CCDC60: variants seen among roughly 807,000 people sequenced by gnomAD.
CCDC60 encodes coiled-coil domain containing 60.
A neutral mutation model predicts 63.5 loss-of-function variants in CCDC60; 54 were observed. The observed-to-expected ratio is 0.85, with a 90% CI of 0.68 to 1.07. The LOEUF is 1.07. Among genes scored for constraint, CCDC60 ranks in the 50% least tolerant of loss-of-function variants. The pLI is 0.00. For missense variants in CCDC60, 651 were observed against 684.3 expected, an observed-to-expected ratio of 0.95 and a Z score of 0.54; for synonymous variants, 206 against 238.8, an observed-to-expected ratio of 0.86 and a Z score of 1.27.
At chr12:119,463,224 C>T (rs1182229613) in intron 2 of CCDC60, among the ~76,000 whole-genome samples, 1 of 152,190 alleles carries the variant, frequency 6.6e-6, no homozygotes, top group Non-Finnish European at 1.5e-5. Context: ...ATCTGGACAA[C>T]AGCAAATCCC....
At chr12:119,494,031 A>G (rs1951660232) in intron 5 of CCDC60, among the ~76,000 whole-genome samples, 2 of 152,224 alleles carry the variant, frequency 1.3e-5, no homozygotes. Flanking sequence ...AGTTTCTGTC[A>G]TGCTTTGCTA....
intron 1 of CCDC60, among the ~76,000 whole-genome samples, chr12:119,391,472 C>T (rs1467729828): frequency 6.6e-6 from 1 of 152,230 alleles, no homozygotes; most frequent in East Asian, 1.9e-4. Context: ...TGGAGAGTCA[C>T]CACCCATACC....
chr12:119,483,534 C>T (rs1206101603), intron 4 of CCDC60, among the ~76,000 whole-genome samples: 1 of 152,210 alleles, frequency 6.6e-6, no homozygotes, highest in African/African-American at 2.4e-5. Context: ...GATTGGGCAG[C>T]AAGGGCAATG....
At chr12:119,356,029 T>C (rs1448302993) in intron 1 of CCDC60, among the ~76,000 whole-genome samples, 1 of 152,128 alleles carries the variant, frequency 6.6e-6, no homozygotes, top group Non-Finnish European at 1.5e-5. Context: ...TTAAGCCCCA[T>C]GGAAAAAAAC....
intron 1 of CCDC60, among the ~76,000 whole-genome samples, chr12:119,347,882 T>C (rs1955613959): frequency 6.6e-6 from 1 of 152,198 alleles, no homozygotes; most frequent in Non-Finnish European, 1.5e-5. Flanking sequence ...TCTCTTAATA[T>C]TCTCCTTCAA....
At chr12:119,434,618 A>C (rs1950293118) in intron 2 of CCDC60, among the ~76,000 whole-genome samples, 1 of 152,226 alleles carries the variant, frequency 6.6e-6, no homozygotes, top group South Asian at 2.1e-4. Flanking sequence ...TTGTTTATAA[A>C]GGGAACCCTG....
At chr12:119,445,145 G>A (rs935637852) in intron 2 of CCDC60, among the ~76,000 whole-genome samples, 1 of 151,968 alleles carries the variant, frequency 6.6e-6, no homozygotes, top group African/African-American at 2.4e-5. Flanking sequence ...CAATAAGAAT[G>A]CCCTGAGGCC....
rs1950734638 is a variant in CCDC60, at chr12:119,456,028, A to G, written c.171-15966A>G. ...GAAAGAAAGAAAGAAAGAAAGAAAGAAAGAAAGAAAGAAAGAAAGAAAGAA... is the reference window on the plus strand; with the variant it reads ...GAAAGAAAGAAAGAAAGAAAGAAAGGAAGAAAGAAAGAAAGAAAGAAAGAA... On this transcript the variant is annotated intron_variant, in intron 2 of 13. Coordinates refer to ENST00000327554, the MANE Select transcript of CCDC60 (RefSeq NM_178499.5). This position sits in a 1 kb window ranked among gnomAD's most constrained non-coding sequence, Gnocchi z 4.6. Among the ~76,000 whole-genome samples, 3 of 137,984 alleles carry G rather than the reference A, an allele frequency of 2.2e-5. No homozygotes were observed. Among genetic ancestry groups the G allele is most frequent in the South Asian group, 5.5e-4 (2 of 3,648 alleles). The allele number at this position is 137,984 out of a possible 152,430, so 90.5% of individuals were successfully genotyped here.
intron 2 of CCDC60, among the ~76,000 whole-genome samples, chr12:119,430,667 C>A (rs866850526): frequency 7.5e-4 from 79 of 106,014 alleles, no homozygotes; most frequent in East Asian, 1.5e-3. Flanking sequence ...ACTCTGTCTC[C>A]AAAAAAAAAA....
intron 11 of CCDC60, among the ~76,000 whole-genome samples, chr12:119,525,807 G>T (rs1177009990): frequency 6.6e-6 from 1 of 152,096 alleles, no homozygotes; most frequent in Non-Finnish European, 1.5e-5. Context: ...TGAGTAGGAA[G>T]AATCAATATC....
At chr12:119,491,460 C>T (rs1445248594) in intron 5 of CCDC60, among the ~76,000 whole-genome samples, 3 of 152,190 alleles carry the variant, frequency 2.0e-5, no homozygotes, top group Non-Finnish European at 4.4e-5. Context: ...TCCTGAGCAG[C>T]TGGGACTACA....
intron 2 of CCDC60, among the ~76,000 whole-genome samples, chr12:119,440,068 G>A (rs994271727): frequency 5.9e-5 from 9 of 151,972 alleles, no homozygotes; most frequent in Admixed American, 5.2e-4. Context: ...GTCGGGGGGT[G>A]GGGGGCCGGG....
At position 119,494,948 on chromosome 12, in the gene CCDC60, T is replaced by G. The variant is rs1176070793; in HGVS notation, c.558-5130T>G. Among the ~76,000 whole-genome samples, 4 of 152,168 alleles carry G rather than the reference T, an allele frequency of 2.6e-5. No homozygotes were observed. The South Asian group carries it at 8.3e-4, about 32-fold the overall frequency. On this transcript the variant is annotated intron_variant, in intron 5 of 13. Transcript: ENST00000327554. ...GTGAGCCGAGATCATGCCATTGCACTCCAGCCTGGGCAACAAAAGCAAATC... is the reference window on the plus strand; with the variant it reads ...GTGAGCCGAGATCATGCCATTGCACGCCAGCCTGGGCAACAAAAGCAAATC...
In CCDC60 at chr12:119,398,368, C is replaced by T. The variant is rs560468361; in HGVS notation, c.91-30315C>T. On this transcript the variant is annotated intron_variant, in intron 1 of 13. Coordinates refer to ENST00000327554, the MANE Select transcript of CCDC60 (RefSeq NM_178499.5). ...TCCGAGCTTACGCCCACCCGGAACT[C>T]GTGCTGGCCTGGGAGCATGGCACGC... 3.6e-4 allele frequency among the ~76,000 whole-genome samples: 55 copies of T among 152,260 alleles called. 1 individual carries two copies. The highest frequency in any genetic ancestry group is 1.2e-3 in the African/African-American group (51 of 41,556).
At chr12:119,472,376 C>T (rs1197663779) in intron 3 of CCDC60, among the ~76,000 whole-genome samples, 3 of 152,100 alleles carry the variant, frequency 2.0e-5, no homozygotes, top group Non-Finnish European at 4.4e-5. Flanking sequence ...CACTAACCAC[C>T]CAGCTTAAAT....
intron 7 of CCDC60, among the ~76,000 whole-genome samples, chr12:119,512,804 T>C (rs778833121): frequency 8.5e-5 from 13 of 152,240 alleles, no homozygotes; most frequent in Non-Finnish European, 1.6e-4. Context: ...TAAGAATATG[T>C]GTTTAAGGCT....
chr12:119,377,012 T>G (rs970267669), intron 1 of CCDC60, among the ~76,000 whole-genome samples: 10 of 152,054 alleles, frequency 6.6e-5, no homozygotes, highest in Admixed American at 2.6e-4. Flanking sequence ...CCCAGCACTT[T>G]GGGAGGCCAA....
At chr12:119,364,128 G>A (rs181539569) in intron 1 of CCDC60, among the ~76,000 whole-genome samples, 7 of 152,190 alleles carry the variant, frequency 4.6e-5, no homozygotes, top group East Asian at 1.9e-4. Flanking sequence ...GGGCGGTTTC[G>A]AGCTAGGATA....
intron 2 of CCDC60, among the ~76,000 whole-genome samples, chr12:119,464,918 T>C (rs549852384): frequency 6.6e-6 from 1 of 152,352 alleles, no homozygotes; most frequent in East Asian, 1.9e-4. Context: ...CCTCCCCAAA[T>C]TCATACATTG....
Sources: gnomAD v4.1 joint callset for allele counts (sites outside exome capture counted in the v4.1 genomes callset) on GRCh38, gnomAD v4.1.1 for gene constraint, Gnocchi (gnomAD v3.1) non-coding constraint, MANE v1.5 for transcripts, NCBI Gene and HGNC (gene_info 2026-07-23, HGNC 2026-07-21) for gene names.